The following RASA3 variants were observed in gnomAD, a reference collection of about 807,000 sequenced individuals.
RASA3 encodes ras GTPase-activating protein 3.
RASA3 carries 73 observed loss-of-function variants against 110.0 expected under a neutral mutation model. That is an observed-to-expected ratio of 0.66 (90% CI 0.55 to 0.81). The LOEUF (loss-of-function observed/expected upper bound fraction) is 0.81. Among genes scored for constraint, RASA3 ranks in the 30% least tolerant of loss-of-function variants. The pLI is 0.00. For synonymous variants in RASA3, 500 were observed against 451.4 expected (o/e 1.11, Z -1.37); for missense variants, 976 against 1,113.2 (o/e 0.88, Z 1.75).
At chr13:114,026,671 G>A (rs994729008) in intron 7 of RASA3, among the ~76,000 whole-genome samples, 29 of 152,244 alleles carry the variant, frequency 1.9e-4, no homozygotes, top group African/African-American at 6.8e-4. Flanking sequence ...CCCCTCAGAT[G>A]TGACTGGCCA....
At chr13:114,003,379 CG>C (rs1341660199) in intron 18 of RASA3, among the ~76,000 whole-genome samples, 3 of 152,140 alleles carry the variant, frequency 2.0e-5, no homozygotes, top group Admixed American at 1.3e-4. Context: ...AGCAGCTTCT[CG>C]GCGTCAGACA....
At chr13:114,013,780 C>G (rs1184545374) in intron 14 of RASA3, among the ~76,000 whole-genome samples, 1 of 149,840 alleles carries the variant, frequency 6.7e-6, no homozygotes, top group Non-Finnish European at 1.5e-5. Flanking sequence ...CTCTCTCCCT[C>G]TCTGTCTCTC....
At chr13:114,108,693 G>A (rs1313968717) in intron 1 of RASA3, 1 of 152,042 alleles carries the variant, frequency 6.6e-6, no homozygotes, top group East Asian at 1.9e-4. Flanking sequence ...CCTAACTCAG[G>A]AGCAGGGACC....
At chr13:114,118,560 C>A (rs1437738754) in intron 1 of RASA3, among the ~76,000 whole-genome samples, 1 of 152,206 alleles carries the variant, frequency 6.6e-6, no homozygotes, top group Non-Finnish European at 1.5e-5. Context: ...TTTTACAAGC[C>A]TCACAACTTT....
chr13:114,034,333 A>G (rs1047932853), intron 4 of RASA3, among the ~76,000 whole-genome samples: 1 of 152,272 alleles, frequency 6.6e-6, no homozygotes, highest in African/African-American at 2.4e-5. Context: ...AGACGGAGGT[A>G]GCTCTATTCA....
In RASA3 at chr13:113,993,278, C is replaced by A. The variant is rs143230743; in HGVS notation, c.2142-690G>T. 3.9e-3 allele frequency among the ~76,000 whole-genome samples: 589 copies of A among 152,152 alleles called. 7 individuals carry two copies. Among genetic ancestry groups the A allele is most frequent in the African/African-American group, 0.014 (564 of 41,520 alleles). On this transcript the variant is annotated intron_variant, in intron 21 of 23. Transcript: ENST00000334062. ...GAAACCTACGCTTTCTGGGTTTAAG[C>A]GATTCTCTTGCCTCAGCCTCCTGAG...
At chr13:114,043,402 C>T (rs1306124304) in intron 3 of RASA3, among the ~76,000 whole-genome samples, 3 of 152,196 alleles carry the variant, frequency 2.0e-5, no homozygotes, top group Non-Finnish European at 4.4e-5. Context: ...ACACCATCCA[C>T]TCTGCAAAGC....
intron 2 of RASA3, 140 bp from the exon 3 acceptor site, chr13:114,052,295 C>T (rs1287225933): frequency 8.2e-6 from 5 of 606,170 alleles, no homozygotes; most frequent in Non-Finnish European, 1.5e-5. Context: ...CATGAACCTG[C>T]AGCTCCCTGT....
chr13:114,010,994 G>A (rs1418497856), intron 16 of RASA3, among the ~76,000 whole-genome samples, 177 bp downstream of exon 16: 2 of 152,148 alleles, frequency 1.3e-5, no homozygotes, highest in African/African-American at 4.8e-5. Flanking sequence ...GAGGGGAGAG[G>A]TGAGCGGGAC....
Position 113,981,702 on chromosome 13 carries a change from T to C in RASA3, c.2402A>G (p.Lys801Arg), listed in dbSNP as rs369767125. ...EQEHAQYKRD[K>R]FKKTKYGSQE... is the part of the protein sequence containing the mutation. ...GCTTCCATATTTCGTCTTCTTGAAC[T>C]TGTCCCTCTTATACTGGGCGTGCTC... is the stretch of plus-strand genomic sequence containing the variant. The change falls in exon 23 of 24, where the codon AAG (lysine) becomes AGG (arginine). Residue 801 changes from lysine to arginine, a missense_variant. Transcript: ENST00000334062. 1 of 1,613,772 alleles carries C rather than the reference T, an allele frequency of 6.2e-7. No homozygotes were observed. Among genetic ancestry groups the C allele is most frequent in the Non-Finnish European group, 8.5e-7 (1 of 1,179,892 alleles).
In RASA3 at chr13:114,118,831, T is replaced by C. The variant is rs150427122; in HGVS notation, c.55+13604A>G. ...TCCTGCCTGAAAAACACCAGCATTC[T>C]TGTGTTCATAAAACCCGCTGGTTCC... On this transcript the variant is annotated intron_variant, in intron 1 of 23. Coordinates refer to ENST00000334062, the MANE Select transcript of RASA3 (RefSeq NM_007368.4). Among the ~76,000 whole-genome samples, 5 of 152,348 alleles carry C rather than the reference T, an allele frequency of 3.3e-5. No individual in the cohort carries two copies. The East Asian group carries it at 7.7e-4, about 23-fold the overall frequency.
At chr13:114,101,989 C>T (rs2080066196) in intron 1 of RASA3, among the ~76,000 whole-genome samples, 1 of 152,188 alleles carries the variant, frequency 6.6e-6, no homozygotes, top group African/African-American at 2.4e-5. Flanking sequence ...TCCAAGGACC[C>T]CACAAGCGAC....
chr13:114,110,140 A>T (rs961755630), intron 1 of RASA3, among the ~76,000 whole-genome samples: 1 of 152,230 alleles, frequency 6.6e-6, no homozygotes, highest in Non-Finnish European at 1.5e-5. Context: ...CCAGAAAAAA[A>T]TAGTGAATCA....
chr13:114,123,221 C>T lies in RASA3; in HGVS notation c.55+9214G>A, dbSNP rs768342019. On this transcript the variant is annotated intron_variant, in intron 1 of 23. Coordinates refer to ENST00000334062, the MANE Select transcript of RASA3 (RefSeq NM_007368.4). ...GGGGCCATGGGCTGAGGCTGGTCCT[C>T]AGGCTCCCAGAGCAATGGCTGCTCT... is the stretch of plus-strand genomic sequence containing the variant. 5.1e-4 allele frequency among the ~76,000 whole-genome samples: 78 copies of T among 152,194 alleles called. 1 individual carries two copies. The highest frequency in any genetic ancestry group is 9.6e-4 in the Non-Finnish European group (65 of 68,022).
At chr13:114,061,738 T>C (rs7981423) in intron 2 of RASA3, among the ~76,000 whole-genome samples, 93,798 of 151,626 alleles carry the variant, frequency 0.62, 30,672 homozygotes, top group African/African-American at 0.84. Flanking sequence ...ATACTAGCCA[T>C]GGAGTCTAAC....
At chr13:114,003,113 G>A (rs546746829) in intron 18 of RASA3, among the ~76,000 whole-genome samples, 7 of 152,334 alleles carry the variant, frequency 4.6e-5, no homozygotes, top group South Asian at 2.1e-4. Context: ...GCCCTAGGAC[G>A]GCCCATGCTT....
intron 1 of RASA3, among the ~76,000 whole-genome samples, chr13:114,116,197 C>A (rs185172357): frequency 6.6e-6 from 1 of 152,310 alleles, no homozygotes; most frequent in East Asian, 1.9e-4. Flanking sequence ...AGTTTTTGGC[C>A]TTGAGAAGGT....
intron 1 of RASA3, among the ~76,000 whole-genome samples, chr13:114,092,110 A>G (rs2139712736): frequency 6.6e-6 from 1 of 151,764 alleles, no homozygotes; most frequent in East Asian, 1.9e-4. Context: ...TTATCTTTTC[A>G]AAAAAATCAG....
Position 114,041,153 on chromosome 13 carries a change from G to A in RASA3, c.278-59C>T. The A allele has an allele frequency of 2.1e-6, 3 of 1,411,420 alleles. 1 individual carries two copies. In the South Asian group the frequency reaches 3.5e-5, roughly 16 times the overall value. The allele number at this position is 1,411,420 out of a possible 1,614,324, so 87.4% of individuals were successfully genotyped here. ...CACAGGCCCCAGAGCCAGGACGCCTGTGAGCAGAAGCCAGCCCATCATCAC... is the reference window on the plus strand; with the variant it reads ...CACAGGCCCCAGAGCCAGGACGCCTATGAGCAGAAGCCAGCCCATCATCAC... On this transcript the variant is annotated intron_variant, in intron 3 of 23. Coordinates refer to ENST00000334062, the MANE Select transcript of RASA3 (RefSeq NM_007368.4).
Sources: gnomAD v4.1 joint callset for allele counts (sites outside exome capture counted in the v4.1 genomes callset) on GRCh38, gnomAD v4.1.1 for gene constraint, MANE v1.5 for transcripts, NCBI Gene and HGNC (gene_info 2026-07-23, HGNC 2026-07-21) for gene names.